The following SYNE2 variants were observed in gnomAD, a reference collection of about 807,000 sequenced individuals.
The protein encoded by SYNE2 is spectrin repeat containing nuclear envelope protein 2.
Under a neutral mutation model 856.3 loss-of-function variants are expected in SYNE2, and 431 were observed. The observed-to-expected ratio is 0.50, with a 90% confidence interval of 0.47 to 0.55. The LOEUF (loss-of-function observed/expected upper bound fraction) is 0.55. Among genes scored for constraint, SYNE2 ranks in the 20% least tolerant of loss-of-function variants. The probability of loss-of-function intolerance (pLI) is 0.00; values close to 1 mark genes in which losing one functional copy is unlikely to be tolerated. For synonymous variants in SYNE2, 2,923 were observed against 2,872.3 expected, an observed-to-expected ratio of 1.02 and a Z score of -0.56; for missense variants, 8,129 against 8,023.2, an observed-to-expected ratio of 1.01 and a Z score of -0.50.
At chr14:63,812,564 T>G (rs1200817590) in intron 1 of SYNE2, among the ~76,000 whole-genome samples, 1 of 152,230 alleles carries the variant, frequency 6.6e-6, no homozygotes, top group Admixed American at 6.5e-5. Context: ...ATATTAATTT[T>G]GGGAACTGAT....
rs373757175 is a variant in SYNE2, at chr14:63,821,708, G to A, written c.-304-30793G>A. On this transcript the variant is annotated intron_variant, in intron 1 of 23. Transcript: ENST00000674003. The stretch of plus-strand genomic sequence containing the variant: ...GCAGAGGTTGCAGTGAGCCAAGATC[G>A]TGCCACTGCACTCCAGCCTAGGTGA... Among the ~76,000 whole-genome samples the A allele has an allele frequency of 7.3e-4, 109 of 148,686 alleles. 1 individual carries two copies. In the South Asian group the frequency reaches 0.017, roughly 23 times the overall value.
In SYNE2 at chr14:64,113,345, C is replaced by T. The variant is rs376207235; in HGVS notation, c.12614C>T (p.Thr4205Ile). ...SLRPNQTEEG[T>I]TPPIEADTLD... Reference sequence around the variant, plus strand: ...TTATCTTTGGATTTCTCTTAGGGCACCACACCTCCTATTGAGGCTGACACT... The same window carrying T: ...TTATCTTTGGATTTCTCTTAGGGCATCACACCTCCTATTGAGGCTGACACT... Residue 4205 changes from threonine to isoleucine, a missense_variant, in exon 66 of 116, where the codon ACC becomes ATC. Coordinates refer to ENST00000555002, the MANE Select transcript of SYNE2 (RefSeq NM_182914.3). 1.1e-4 allele frequency: 185 copies of T among 1,613,636 alleles called. No homozygotes were observed. Among genetic ancestry groups the T allele is most frequent in the Middle Eastern group, 7.0e-4 (4 of 5,754 alleles).
At position 63,835,399 on chromosome 14, in the gene SYNE2, A is replaced by T. The variant is rs565506519; in HGVS notation, c.-304-17102A>T. 5.7e-3 allele frequency among the ~76,000 whole-genome samples: 866 copies of T among 151,880 alleles called. 5 individuals carry two copies. The highest frequency in any genetic ancestry group is 0.019 in the African/African-American group (800 of 41,424). ...AGGTGCCCGCCTCCACACCCGCCTA[A>T]TTTTTGTATTTTTAGTAGAGACGGG... is the stretch of plus-strand genomic sequence containing the variant. On this transcript the variant is annotated intron_variant, in intron 1 of 23. Transcript: ENST00000674003.
At chr14:63,949,735 C>G (rs546136485) in intron 6 of SYNE2, 90 bp from the exon 7 acceptor site, 18 of 1,319,162 alleles carry the variant, frequency 1.4e-5, no homozygotes, top group South Asian at 1.2e-4. Flanking sequence ...TCACAGGATG[C>G]TTTTTAGGTC....
At chr14:63,832,866 CAAAAAAAAAA>C (rs36099684) in intron 1 of SYNE2, among the ~76,000 whole-genome samples, 3 of 64,750 alleles carry the variant, frequency 4.6e-5, no homozygotes, top group Non-Finnish European at 8.6e-5. Flanking sequence ...CTGTCTCTAC[CAAAAAAAAAA>C]AAAAAAAAAA....
chr14:63,886,968 AG>A lies in SYNE2; in HGVS notation c.-51-22129del, dbSNP rs1297469767. Among the ~76,000 whole-genome samples the A allele has an allele frequency of 2.0e-5, 3 of 152,182 alleles. No homozygotes were observed. In the East Asian group the frequency reaches 5.8e-4, roughly 29 times the overall value. ...AGCCACTGGCCATCATTCTTTAATT[AG>A]TAATGAATTTATAAAGAAAAAAAGA... On this transcript the variant is annotated intron_variant, in intron 1 of 115. Coordinates refer to ENST00000555002, the MANE Select transcript of SYNE2 (RefSeq NM_182914.3).
chr14:63,893,964 C>T (rs1236511629), intron 1 of SYNE2, among the ~76,000 whole-genome samples: 1 of 152,162 alleles, frequency 6.6e-6, no homozygotes, highest in African/African-American at 2.4e-5. Context: ...GAGATTATTC[C>T]TGGAGTAGGG....
chr14:64,082,670 G>A (rs182753669), intron 57 of SYNE2, among the ~76,000 whole-genome samples: 4 of 152,176 alleles, frequency 2.6e-5, no homozygotes, highest in South Asian at 4.1e-4. Flanking sequence ...GTGGCTCCCT[G>A]TAAGGAGGAC....
In SYNE2 at chr14:64,003,199, CA is replaced by C; in HGVS notation, c.4267del (p.Thr1423LeufsTer7). 6.2e-7 allele frequency: 1 copy of C among 1,614,006 alleles called. No individual in the cohort carries two copies. The highest frequency in any genetic ancestry group is 8.5e-7 in the Non-Finnish European group (1 of 1,179,986). ...ATGGCTATGGGGTACAGGAGGAATT[CA>C]CTGAGGAAAACAAATTACTAGAGGC... ...THGYGVQEEF[T>X]EENKLLEACI... On this transcript the variant is annotated frameshift_variant, in exon 30 of 116. Transcript: ENST00000555002. LOFTEE classifies it high-confidence loss of function.
chr14:64,026,120 C>T (rs962612665), intron 41 of SYNE2, among the ~76,000 whole-genome samples: 2 of 152,022 alleles, frequency 1.3e-5, no homozygotes, highest in South Asian at 2.1e-4. Flanking sequence ...GGGATTATAT[C>T]CAGACGTTTT....
At chr14:63,771,978 A>G (rs1886932686) in intron 1 of SYNE2, among the ~76,000 whole-genome samples, 1 of 152,236 alleles carries the variant, frequency 6.6e-6, no homozygotes, top group Non-Finnish European at 1.5e-5. Flanking sequence ...GTAGGCATGA[A>G]TATGGATGAG....
intron 30 of SYNE2, among the ~76,000 whole-genome samples, chr14:64,006,800 G>T (rs562096445): frequency 3.3e-5 from 5 of 152,096 alleles, no homozygotes; most frequent in African/African-American, 1.2e-4. Flanking sequence ...TGCACTCAGC[G>T]TAGGTGACAG....
intron 2 of SYNE2, among the ~76,000 whole-genome samples, chr14:63,919,588 G>A (rs746714514): frequency 1.3e-5 from 2 of 152,046 alleles, no homozygotes; most frequent in African/African-American, 2.4e-5. Flanking sequence ...GGGTCTTTCC[G>A]TGTTTAGAGG....
At chr14:63,766,203 C>T (rs887848309) in intron 1 of SYNE2, among the ~76,000 whole-genome samples, 2 of 151,922 alleles carry the variant, frequency 1.3e-5, no homozygotes, top group East Asian at 2.0e-4. Flanking sequence ...CTCAGCCTCC[C>T]GAGTAGTTGG....
At chr14:63,809,549 A>T (rs1888532261) in intron 1 of SYNE2, among the ~76,000 whole-genome samples, 1 of 152,198 alleles carries the variant, frequency 6.6e-6, no homozygotes, top group East Asian at 1.9e-4. Flanking sequence ...GCATGATCAT[A>T]GCTCTCTGCA....
chr14:64,041,781 T>C (rs1042093042), intron 45 of SYNE2, among the ~76,000 whole-genome samples: 3 of 151,312 alleles, frequency 2.0e-5, no homozygotes, highest in African/African-American at 7.3e-5. Flanking sequence ...ACCCAGGAGA[T>C]TGAGGCTGCA....
chr14:63,783,090 C>T (rs1047062478), intron 1 of SYNE2, among the ~76,000 whole-genome samples: 1 of 151,996 alleles, frequency 6.6e-6, no homozygotes, highest in Non-Finnish European at 1.5e-5. Context: ...TGATTGTAAT[C>T]CCCATAATCC....
chr14:63,850,525 T>C (rs1890375508), upstream of SYNE2, among the ~76,000 whole-genome samples: 1 of 152,106 alleles, frequency 6.6e-6, no homozygotes, highest in Non-Finnish European at 1.5e-5. Context: ...AGGCCCAGGG[T>C]TGTGTTTTAA....
Position 63,986,627 on chromosome 14 carries a change from TA to T in SYNE2, c.2313+14del. 1 of 1,613,726 alleles carries T rather than the reference TA, an allele frequency of 6.2e-7. No homozygotes were observed. The highest frequency in any genetic ancestry group is 8.5e-7 in the Non-Finnish European group (1 of 1,179,710). On this transcript the variant is annotated intron_variant, in intron 19 of 115. Coordinates refer to ENST00000555002, the MANE Select transcript of SYNE2 (RefSeq NM_182914.3). ...GGAAGAATCTTTGAAGGTATGTGTG[TA>T]AAAGTATTAAGAGGGTACTTTCATG...
Sources: allele counts gnomAD v4.1 joint callset (sites outside exome capture counted in the v4.1 genomes callset), GRCh38; gene constraint gnomAD v4.1.1; transcripts MANE v1.5; gene names NCBI Gene and HGNC (gene_info 2026-07-23, HGNC 2026-07-21).